Variants in SCAP observed in about 807,000 individuals in gnomAD.
SCAP encodes SREBF chaperone.
SCAP carries 65 observed loss-of-function variants against 123.6 expected under a neutral mutation model. The ratio of observed to expected loss-of-function variants is 0.53; its 90% CI spans 0.43 to 0.65. The LOEUF (loss-of-function observed/expected upper bound fraction) is 0.65, where lower values mean the gene tolerates loss of function less well. SCAP is among the 30% of genes least tolerant of loss of function. SCAP has a pLI of 0.00. For missense variants in SCAP, 1,398 were observed against 1,712.5 expected (o/e 0.82, Z 3.24); for synonymous variants, 740 against 726.3 (o/e 1.02, Z -0.30).
At chr3:47,434,812 G>A in intron 3 of SCAP, 196 bp downstream of exon 3, 1 of 575,970 alleles carries the variant, frequency 1.7e-6, no homozygotes, top group Non-Finnish European at 2.9e-6. Flanking sequence ...ACTCCAGCCT[G>A]GACAACAGGA....
At chr3:47,434,761 C>T (rs376064054) in intron 3 of SCAP, 7 of 357,052 alleles carry the variant, frequency 2.0e-5, no homozygotes, top group African/African-American at 8.5e-5. Flanking sequence ...CACTTGAACC[C>T]GGGAGGCGGA....
chr3:47,428,985 A>G, intron 3 of SCAP: 1 of 267,116 alleles, frequency 3.7e-6, no homozygotes, highest in Non-Finnish European at 7.2e-6. Context: ...TTTCATACTA[A>G]CTCCCCCCGG....
chr3:47,436,187 T>C (rs1706570907), intron 2 of SCAP, among the ~76,000 whole-genome samples: 1 of 152,134 alleles, frequency 6.6e-6, no homozygotes, highest in East Asian at 1.9e-4. Flanking sequence ...AGGATTCCAA[T>C]TCAGATAGCT....
In SCAP at chr3:47,413,868, C is replaced by A; in HGVS notation, c.3826G>T (p.Glu1276Ter). The change falls in exon 23 of 23, where the codon GAG (glutamate) becomes TAG (stop). Residue 1276 changes from glutamate to a stop codon, truncating the protein, a stop_gained. Coordinates refer to ENST00000265565, the MANE Select transcript of SCAP (RefSeq NM_012235.4). LOFTEE classifies it high-confidence loss of function. ...LSLVYVPSVL[E>*]KLD Reference sequence around the variant, plus strand: ...AGGCCCTGCGCTCAGTCCAGCTTCTCCAGCACAGAGGGCACATACACCAGG... The same window carrying A: ...AGGCCCTGCGCTCAGTCCAGCTTCTACAGCACAGAGGGCACATACACCAGG... 1 of 1,612,928 alleles carries A rather than the reference C, an allele frequency of 6.2e-7. No homozygotes were observed. The highest frequency in any genetic ancestry group is 8.5e-7 in the Non-Finnish European group (1 of 1,179,996).
At chr3:47,468,237 T>C (rs1479502018) in intron 1 of SCAP, among the ~76,000 whole-genome samples, 5 of 152,204 alleles carry the variant, frequency 3.3e-5, no homozygotes, top group Admixed American at 6.5e-5. Context: ...ATATGCCCAG[T>C]AATGGGATGG....
chr3:47,418,678 G>A lies in SCAP; in HGVS notation c.2106C>T (p.Ala702=). Residue 702 remains alanine, a synonymous_variant, in exon 14 of 23, where the codon GCC becomes GCT. Transcript: ENST00000265565. The part of the protein sequence containing the change: ...AGPKGPGGVQ[A]HGDVTLYKVA... ...ACTTGTACAGCGTGACGTCTCCATG[G>A]GCCTGCACCCCACCTGGGCCCTTGG... 1 of 1,607,730 alleles carries A rather than the reference G, an allele frequency of 6.2e-7. No individual in the cohort carries two copies. Among genetic ancestry groups the A allele is most frequent in the Non-Finnish European group, 8.5e-7 (1 of 1,178,336 alleles).
At chr3:47,452,941 T>A (rs1418708924) in intron 1 of SCAP, among the ~76,000 whole-genome samples, 1 of 150,470 alleles carries the variant, frequency 6.6e-6, no homozygotes, top group African/African-American at 2.4e-5. Flanking sequence ...AAAAAAAAAA[T>A]TTAAATTAGC....
chr3:47,436,627 T>C (rs1706589334), intron 2 of SCAP, among the ~76,000 whole-genome samples: 1 of 151,746 alleles, frequency 6.6e-6, no homozygotes, highest in Non-Finnish European at 1.5e-5. Context: ...AGACCCCATC[T>C]CAAGTGAAAA....
chr3:47,465,346 T>C (rs1473033069), intron 1 of SCAP, among the ~76,000 whole-genome samples: 1 of 152,120 alleles, frequency 6.6e-6, no homozygotes, highest in African/African-American at 2.4e-5. Flanking sequence ...AATTTTTGTA[T>C]TGTTAGTAGA....
chr3:47,442,039 G>C (rs1706828654), intron 2 of SCAP, among the ~76,000 whole-genome samples: 1 of 151,956 alleles, frequency 6.6e-6, no homozygotes, highest in Non-Finnish European at 1.5e-5. Flanking sequence ...TCAGGGAAGA[G>C]CTTGAGATCA....
Position 47,419,467 on chromosome 3 carries a change from C to T in SCAP, c.1801G>A (p.Gly601Arg). 1 of 1,614,006 alleles carries T rather than the reference C, an allele frequency of 6.2e-7. No homozygotes were observed. ...TCATGGACAACCTCTGCTGGACCTC[C>T]ACGCTCAGGTGACTCGCCTGGCGAC... ...QTSPGESPER[G>R]GPAEVVHDSP... The change falls in exon 13 of 23, where the codon GGA becomes AGA. Residue 601 changes from glycine (G) to arginine (R), a missense_variant. Physicochemically the swap from Gly to Arg is moderately radical, Grantham distance 125. This residue lies in a region of SCAP where 828 missense variants were observed against 882.5 expected (regional missense o/e 0.94). Coordinates refer to ENST00000265565, the MANE Select transcript of SCAP (RefSeq NM_012235.4). This position sits in a 1 kb window ranked among gnomAD's most constrained non-coding sequence, Gnocchi z 5.0.
At chr3:47,452,142 T>C (rs995628918) in intron 1 of SCAP, among the ~76,000 whole-genome samples, 14 of 152,364 alleles carry the variant, frequency 9.2e-5, no homozygotes, top group African/African-American at 3.4e-4. Context: ...AACTCTGTAA[T>C]TGTACAAATG....
chr3:47,443,056 T>C lies in SCAP; in HGVS notation c.-63A>G, dbSNP rs976282832. 7 of 1,607,516 alleles carry C rather than the reference T, an allele frequency of 4.4e-6. No homozygotes were observed. The highest frequency in any genetic ancestry group is 2.2e-5 in the East Asian group (1 of 44,800). ...GACCATGGATCACCCTGGCACACAC[T>C]TGACAGCACTGACAAAGAACAACAT... On this transcript the variant is annotated 5_prime_UTR_variant, in exon 2 of 23. Transcript: ENST00000265565.
At chr3:47,442,096 C>T (rs1428619927) in intron 2 of SCAP, among the ~76,000 whole-genome samples, 1 of 152,030 alleles carries the variant, frequency 6.6e-6, no homozygotes, top group Non-Finnish European at 1.5e-5. Context: ...TTCTCATCCT[C>T]CCTTCAGCAT....
chr3:47,424,191 C>G, intron 8 of SCAP, 146 bp from the exon 9 acceptor site: 11 of 637,606 alleles, frequency 1.7e-5, no homozygotes, highest in South Asian at 7.3e-5. Flanking sequence ...CTCCCTTGTC[C>G]ACCTCACCCA....
rs1330992059 is a variant in SCAP, at chr3:47,452,412, GA to G, written c.-98-9322del. ...TGAACAAACCAACCAACCCAACCAG[GA>G]TCAGATATTATTAGGACAGTGCTCA... On this transcript the variant is annotated intron_variant, in intron 1 of 22. Coordinates refer to ENST00000265565, the MANE Select transcript of SCAP (RefSeq NM_012235.4). 4.6e-5 allele frequency among the ~76,000 whole-genome samples: 7 copies of G among 152,178 alleles called. No homozygotes were observed. In the South Asian group the frequency reaches 8.3e-4, roughly 18 times the overall value.
intron 1 of SCAP, among the ~76,000 whole-genome samples, chr3:47,444,878 TCTC>T (rs1706967984): frequency 6.6e-6 from 1 of 151,834 alleles, no homozygotes; most frequent in African/African-American, 2.4e-5. Context: ...TTTAAGCTAT[TCTC>T]CTGACTCAGC....
At chr3:47,460,762 TG>T (rs1707603275) in intron 1 of SCAP, among the ~76,000 whole-genome samples, 2 of 152,184 alleles carry the variant, frequency 1.3e-5, no homozygotes, top group Non-Finnish European at 2.9e-5. Flanking sequence ...TTCACCATCC[TG>T]GCCAGGCTGG....
chr3:47,466,730 G>C (rs1311349940), intron 1 of SCAP, among the ~76,000 whole-genome samples: 1 of 152,122 alleles, frequency 6.6e-6, no homozygotes, highest in Non-Finnish European at 1.5e-5. Flanking sequence ...GCTGAGTTTA[G>C]CAAGGATTGA....
Sources: gnomAD v4.1 joint callset for allele counts (sites outside exome capture counted in the v4.1 genomes callset) on GRCh38, gnomAD v4.1.1 for gene constraint, gnomAD v4.1.1 regional missense constraint, Gnocchi (gnomAD v3.1) non-coding constraint, MANE v1.5 for transcripts, NCBI Gene and HGNC (gene_info 2026-07-23, HGNC 2026-07-21) for gene names.